Variants in CTNNA2 observed in about 807,000 individuals in gnomAD.
CTNNA2 encodes the protein catenin alpha 2.
Under a neutral mutation model 101.0 loss-of-function variants are expected in CTNNA2, and 42 were observed. That is an observed-to-expected ratio of 0.42 (90% CI 0.32 to 0.54). The LOEUF is 0.54. Ranked by LOEUF, CTNNA2 falls within the 20% of genes least tolerant of loss-of-function variation. The probability of loss-of-function intolerance (pLI) is 0.14; values close to 1 mark genes in which losing one functional copy is unlikely to be tolerated. For missense variants in CTNNA2, 871 were observed against 1,223.1 expected, an observed-to-expected ratio of 0.71 and a Z score of 4.29; for synonymous variants, 450 against 456.4, an observed-to-expected ratio of 0.99 and a Z score of 0.18.
chr2:79,393,725 T>G (rs1678199486), intron 4 of CTNNA2, among the ~76,000 whole-genome samples: 1 of 151,820 alleles, frequency 6.6e-6, no homozygotes, highest in South Asian at 2.1e-4. Flanking sequence ...TTTGTAGGGT[T>G]TCCGTGCTAC....
intron 7 of CTNNA2, among the ~76,000 whole-genome samples, chr2:80,215,971 C>T (rs1051541430): frequency 1.3e-4 from 20 of 152,200 alleles, no homozygotes; most frequent in African/African-American, 4.8e-4. Context: ...GCAGACACCC[C>T]TCCTCCAGCC....
intron 3 of CTNNA2, among the ~76,000 whole-genome samples, chr2:79,341,922 C>T (rs182570840): frequency 1.3e-5 from 2 of 152,228 alleles, no homozygotes; most frequent in African/African-American, 4.8e-5. Context: ...TATGTATGTC[C>T]ATGAAAGGGT....
chr2:80,139,878 A>G (rs543718634), intron 7 of CTNNA2, among the ~76,000 whole-genome samples: 298 of 152,258 alleles, frequency 2.0e-3, no homozygotes, highest in African/African-American at 6.9e-3. Context: ...CTGCAAACAA[A>G]TAGCAGAGCC....
chr2:80,625,959 C>G (rs1671641917), intron 18 of CTNNA2, among the ~76,000 whole-genome samples: 1 of 151,860 alleles, frequency 6.6e-6, no homozygotes, highest in Non-Finnish European at 1.5e-5. Context: ...AAGATTATGC[C>G]ATAGAAACCT....
At chr2:80,258,195 C>A (rs747221358) in intron 7 of CTNNA2, among the ~76,000 whole-genome samples, 4 of 152,148 alleles carry the variant, frequency 2.6e-5, no homozygotes, top group Non-Finnish European at 4.4e-5. Flanking sequence ...TATGTCAGCT[C>A]TATGTGTGAG....
chr2:80,331,652 T>C (rs903862581), intron 7 of CTNNA2, among the ~76,000 whole-genome samples: 37 of 152,292 alleles, frequency 2.4e-4, no homozygotes, highest in African/African-American at 8.4e-4. Context: ...TAAAGGGTTA[T>C]ATTCCCGAGC....
chr2:79,547,695 A>G (rs1479123374), intron 1 of CTNNA2: 1 of 152,208 alleles, frequency 6.6e-6, no homozygotes, highest in East Asian at 1.9e-4. Context: ...GTTCTGTCTG[A>G]AAGATTTTCC....
chr2:79,460,096 T>G (rs191865166), intron 4 of CTNNA2, among the ~76,000 whole-genome samples: 403 of 152,290 alleles, frequency 2.6e-3, no homozygotes, highest in Non-Finnish European at 4.3e-3. Flanking sequence ...AATCTGTATC[T>G]TCTTTTTAAT....
chr2:79,418,436 T>G (rs1678506532), intron 4 of CTNNA2, among the ~76,000 whole-genome samples: 1 of 152,088 alleles, frequency 6.6e-6, no homozygotes, highest in South Asian at 2.1e-4. Context: ...CCAGTAATAA[T>G]TAAGGAAAGA....
Position 80,134,471 on chromosome 2 carries a change from G to A in CTNNA2, c.1056+224674G>A, listed in dbSNP as rs116608908. Among the ~76,000 whole-genome samples, 1,148 of 152,240 alleles carry A rather than the reference G, an allele frequency of 7.5e-3. 18 individuals are homozygous for A. The highest frequency in any genetic ancestry group is 0.026 in the African/African-American group (1,100 of 41,536). ...ACCCAGCTTGTAAACCTTCCAGGGG[G>A]GTTTGCAGAAAACCCGTTAATAAAC... is the stretch of plus-strand genomic sequence containing the variant. On this transcript the variant is annotated intron_variant, in intron 7 of 18. Coordinates refer to ENST00000402739, the MANE Select transcript of CTNNA2 (RefSeq NM_001282597.3).
chr2:79,727,737 C>T (rs1384329706), intron 2 of CTNNA2, among the ~76,000 whole-genome samples: 1 of 116,746 alleles, frequency 8.6e-6, no homozygotes, highest in Non-Finnish European at 1.7e-5. Context: ...CTCCCCCCAC[C>T]CCACAACGGT....
chr2:80,376,300 C>G (rs759379500), intron 7 of CTNNA2, among the ~76,000 whole-genome samples: 21 of 152,036 alleles, frequency 1.4e-4, no homozygotes, highest in Non-Finnish European at 2.1e-4. Flanking sequence ...TCTTGCCTTT[C>G]TATTCTATCT....
chr2:79,721,974 GA>G (rs900628833), intron 2 of CTNNA2, among the ~76,000 whole-genome samples: 3 of 151,654 alleles, frequency 2.0e-5, no homozygotes, highest in Non-Finnish European at 2.9e-5. Flanking sequence ...AAAGAAATAA[GA>G]AAAAAAATGA....
chr2:79,414,448 C>A (rs1678453914), intron 4 of CTNNA2, among the ~76,000 whole-genome samples: 2 of 151,924 alleles, frequency 1.3e-5, no homozygotes, highest in Non-Finnish European at 2.9e-5. Flanking sequence ...CTCATACACA[C>A]CCTCACAAAT....
chr2:80,540,363 G>A (rs763721800), intron 9 of CTNNA2, among the ~76,000 whole-genome samples: 18 of 152,140 alleles, frequency 1.2e-4, no homozygotes, highest in Admixed American at 7.9e-4. Flanking sequence ...TTGGGAGGCC[G>A]AGGCAAGTGG....
intron 7 of CTNNA2, among the ~76,000 whole-genome samples, chr2:80,278,074 G>C (rs1030817578): frequency 1.3e-5 from 2 of 152,002 alleles, no homozygotes; most frequent in Non-Finnish European, 2.9e-5. Context: ...CCGTTGTCCA[G>C]GTGTATACAT....
intron 9 of CTNNA2, among the ~76,000 whole-genome samples, chr2:80,457,156 CG>C (rs1424004133): frequency 1.3e-5 from 2 of 151,884 alleles, no homozygotes; most frequent in Non-Finnish European, 2.9e-5. Flanking sequence ...CTCTGCCTCC[CG>C]GGTTCAAGTG....
chr2:79,759,117 A>G (rs1672598872), intron 3 of CTNNA2, among the ~76,000 whole-genome samples: 1 of 152,164 alleles, frequency 6.6e-6, no homozygotes, highest in African/African-American at 2.4e-5. Flanking sequence ...CTCATCTTAA[A>G]CTAAAAATCA....
intron 4 of CTNNA2, among the ~76,000 whole-genome samples, chr2:79,375,925 A>T (rs12622864): frequency 0.76 from 114,908 of 152,056 alleles, 43,644 homozygotes; most frequent in South Asian, 0.83. Flanking sequence ...CTGGCCTGTA[A>T]CTCATGACAA....
Sources: gnomAD v4.1 joint callset for allele counts (sites outside exome capture counted in the v4.1 genomes callset) on GRCh38, gnomAD v4.1.1 for gene constraint, MANE v1.5 for transcripts, NCBI Gene and HGNC (gene_info 2026-07-23, HGNC 2026-07-21) for gene names.